Variants in ATP6V0A1 observed in about 807,000 individuals in gnomAD.
ATP6V0A1 encodes the protein V-type proton ATPase 116 kDa subunit a 1.
ATP6V0A1 carries 43 observed loss-of-function variants against 105.4 expected under a neutral mutation model. The observed-to-expected ratio is 0.41, with a 90% CI of 0.32 to 0.53. The LOEUF (loss-of-function observed/expected upper bound fraction) is 0.53, where lower values mean the gene tolerates loss of function less well. ATP6V0A1 is among the 20% of genes least tolerant of loss of function. The probability of loss-of-function intolerance (pLI) is 0.30; values close to 1 mark genes in which losing one functional copy is unlikely to be tolerated. For synonymous variants in ATP6V0A1, 362 were observed against 372.8 expected (o/e 0.97, Z 0.33); for missense variants, 676 against 1,051.1 (o/e 0.64, Z 4.93).
At chr17:42,495,892 G>A (rs2091115026) in intron 14 of ATP6V0A1, 176 bp downstream of exon 14, 1 of 552,434 alleles carries the variant, frequency 1.8e-6, no homozygotes, top group African/African-American at 1.9e-5. Flanking sequence ...GGTCAGCATG[G>A]TGAAACCCTA....
intron 10 of ATP6V0A1, among the ~76,000 whole-genome samples, chr17:42,488,840 C>T (rs1362879350): frequency 6.6e-6 from 1 of 151,612 alleles, no homozygotes; most frequent in South Asian, 2.1e-4. Context: ...TGACAAAACC[C>T]CGTCTCTACT....
In ATP6V0A1 at chr17:42,499,060, TG is replaced by T; in HGVS notation, c.1679+19del. ...AACCATATGTGAGTTGTTCCATTTC[TG>T]TCATAAGAATGTGCATAGTTTAGAG... On this transcript the variant is annotated intron_variant, in intron 15 of 21. Coordinates refer to ENST00000343619, the MANE Select transcript of ATP6V0A1 (RefSeq NM_001130021.3). The T allele has an allele frequency of 6.5e-7, 1 of 1,528,938 alleles. No homozygotes were observed. Among genetic ancestry groups the T allele is most frequent in the East Asian group, 2.3e-5 (1 of 44,444 alleles). The allele number at this position is 1,528,938 out of a possible 1,614,324, so 94.7% of individuals were successfully genotyped here.
intron 11 of ATP6V0A1, among the ~76,000 whole-genome samples, chr17:42,490,943 T>A (rs2090564960): frequency 6.6e-6 from 1 of 152,170 alleles, no homozygotes; most frequent in Non-Finnish European, 1.5e-5. Context: ...TACAGCAGCC[T>A]CAACCTCGTG....
intron 17 of ATP6V0A1, 60 bp from the exon 18 acceptor site, chr17:42,507,460 C>A: frequency 8.0e-7 from 1 of 1,256,352 alleles, no homozygotes; most frequent in Non-Finnish European, 1.1e-6. Flanking sequence ...GCCCTTCCCA[C>A]CTCACAGAAT....
intron 9 of ATP6V0A1, 133 bp downstream of exon 9, chr17:42,483,264 G>A: frequency 1.9e-6 from 1 of 529,212 alleles, no homozygotes; most frequent in East Asian, 3.5e-5. Context: ...ATGTACATGG[G>A]TAATATGTCC....
chr17:42,513,831 T>C (rs2092473048), intron 19 of ATP6V0A1, 30 bp from the exon 20 acceptor site: 1 of 1,595,880 alleles, frequency 6.3e-7, no homozygotes, highest in Admixed American at 1.7e-5. Flanking sequence ...CCTAGCCTTA[T>C]ATCTTCTCTC....
At chr17:42,513,786 A>G in intron 19 of ATP6V0A1, 75 bp from the exon 20 acceptor site, 1 of 1,420,074 alleles carries the variant, frequency 7.0e-7, no homozygotes, top group South Asian at 1.2e-5. Context: ...CAAAGCGCCA[A>G]GTAGCCACAA....
intron 1 of ATP6V0A1, among the ~76,000 whole-genome samples, chr17:42,459,471 G>A (rs2145571681): frequency 6.6e-6 from 1 of 152,362 alleles, no homozygotes; most frequent in South Asian, 2.1e-4. Context: ...TTTGTTTTGT[G>A]ATCGTCCAGA....
At chr17:42,464,134 A>C (rs1336011079) in intron 2 of ATP6V0A1, among the ~76,000 whole-genome samples, 1 of 152,182 alleles carries the variant, frequency 6.6e-6, no homozygotes, top group Non-Finnish European at 1.5e-5. Context: ...ATGCTCAGTC[A>C]TGGGTTGGGT....
chr17:42,507,526 C>G lies in ATP6V0A1; in HGVS notation c.2011C>G (p.Leu671Val). 1 of 1,611,196 alleles carries G rather than the reference C, an allele frequency of 6.2e-7. No individual in the cohort carries two copies. The highest frequency in any genetic ancestry group is 2.2e-5 in the East Asian group (1 of 44,774). ...TTTCTGTTCATCTGTGTAGGGAACT[C>G]TCAACTTTGGTGGGATCAGGGTGGG... ...QYLRRKHLGT[L>V]NFGGIRVGNG... Residue 671 changes from leucine to valine, a missense_variant, in exon 18 of 22, where the codon CTC becomes GTC. Physicochemically the swap from Leu to Val is conservative, Grantham distance 32. Coordinates refer to ENST00000343619, the MANE Select transcript of ATP6V0A1 (RefSeq NM_001130021.3).
intron 8 of ATP6V0A1, chr17:42,480,983 A>T: frequency 3.0e-6 from 1 of 329,140 alleles, no homozygotes; most frequent in Non-Finnish European, 5.6e-6. Context: ...GTGCAGTGGC[A>T]TGATCACGGC....
At position 42,478,551 on chromosome 17, in the gene ATP6V0A1, C is replaced by T. The variant is rs2089063130; in HGVS notation, c.595C>T (p.Gln199Ter). Residue 199 changes from glutamine (Q) to a stop codon, truncating the protein, a stop_gained, in exon 7 of 22, where the codon CAG becomes TAG. Coordinates refer to ENST00000343619, the MANE Select transcript of ATP6V0A1 (RefSeq NM_001130021.3). LOFTEE classifies it high-confidence loss of function. ...ATGCCGGGGAAATGTGTTCCTGCGA[C>T]AGGCTGAAATCGAGAACCCCCTGGA... ...RVCRGNVFLRQAEIENPLEDP... is the reference protein window; with the variant it reads ...RVCRGNVFLR 6.2e-7 allele frequency: 1 copy of T among 1,604,206 alleles called. No homozygotes were observed. The highest frequency in any genetic ancestry group is 1.3e-5 in the African/African-American group (1 of 74,512).
At chr17:42,500,648 A>G (rs1338116667) in intron 15 of ATP6V0A1, 59 bp from the exon 16 acceptor site, 1 of 1,325,588 alleles carries the variant, frequency 7.5e-7, no homozygotes, top group Non-Finnish European at 1.1e-6. Context: ...TACTCCATTC[A>G]GTGTAGGAGT....
chr17:42,466,310 T>G (rs1184009170), intron 2 of ATP6V0A1, 119 bp from the exon 3 acceptor site: 10 of 728,272 alleles, frequency 1.4e-5, no homozygotes, highest in African/African-American at 3.5e-5. Flanking sequence ...CAGTTTTGAT[T>G]AGTGTTGCAT....
Position 42,480,634 on chromosome 17 carries a change from T to G in ATP6V0A1, c.634-33T>G, listed in dbSNP as rs749612108. ...AGAGATTTTCATCCAGATACAGAAG[T>G]CTGAACTCTTGTTTTTTTATTCTGG... On this transcript the variant is annotated intron_variant, in intron 7 of 21. Transcript: ENST00000343619. 1.9e-5 allele frequency: 31 copies of G among 1,591,454 alleles called. No homozygotes were observed. The South Asian group carries it at 2.6e-4, about 14-fold the overall frequency.
intron 17 of ATP6V0A1, chr17:42,502,733 A>T (rs2091772443): frequency 6.6e-6 from 1 of 152,030 alleles, no homozygotes; most frequent in Non-Finnish European, 1.5e-5. Flanking sequence ...TTGTCTCCCC[A>T]CTTCACTCCC....
At chr17:42,474,687 A>T (rs2088495966) in intron 5 of ATP6V0A1, among the ~76,000 whole-genome samples, 1 of 152,202 alleles carries the variant, frequency 6.6e-6, no homozygotes, top group African/African-American at 2.4e-5. Context: ...TGAAATTATA[A>T]TATTTGCAAA....
Position 42,477,722 on chromosome 17 carries a change from A to C in ATP6V0A1, c.486A>C (p.Arg162Ser). Residue 162 changes from arginine (R) to serine (S), a missense_variant, in exon 6 of 22, where the codon AGA (arginine) becomes AGC (serine). Physicochemically the swap from Arg to Ser is moderately radical, Grantham distance 110 (BLOSUM62 -1). Transcript: ENST00000343619. ...SSLLEPSEMG[R>S]GTPLRLGFVA... ...TCTTGGAGCCAAGTGAGATGGGAAG[A>C]GGCACTCCTTTAAGACTTGGGTAAG... The C allele has an allele frequency of 6.2e-7, 1 of 1,613,826 alleles. No individual in the cohort carries two copies. Among genetic ancestry groups the C allele is most frequent in the Non-Finnish European group, 8.5e-7 (1 of 1,179,826 alleles).
intron 19 of ATP6V0A1, among the ~76,000 whole-genome samples, chr17:42,509,566 G>C (rs1440301930): frequency 1.3e-5 from 2 of 152,226 alleles, no homozygotes; most frequent in East Asian, 3.8e-4. Flanking sequence ...AAGAGTGTCT[G>C]TGTTCCTGGA....
Sources: gnomAD v4.1 joint callset for allele counts (sites outside exome capture counted in the v4.1 genomes callset) on GRCh38, gnomAD v4.1.1 for gene constraint, MANE v1.5 for transcripts, NCBI Gene and HGNC (gene_info 2026-07-23, HGNC 2026-07-21) for gene names.